The following NXPE2 variants were observed in gnomAD, a reference collection of about 807,000 sequenced individuals.
The protein encoded by NXPE2 is NXPE family member 2.
A neutral mutation model predicts 34.4 loss-of-function variants in NXPE2; 34 were observed. The observed-to-expected ratio is 0.99, with a 90% confidence interval of 0.75 to 1.31. NXPE2 has a LOEUF of 1.31. Ranked by LOEUF, NXPE2 falls within the 40% of genes most tolerant of loss-of-function variation. NXPE2 has a pLI of 0.00. For missense variants in NXPE2, 649 were observed against 672.5 expected (o/e 0.97, Z 0.39); for synonymous variants, 235 against 231.3 (o/e 1.02, Z -0.15).
chr11:114,631,189 C>T, the NXPE2 span, among the ~76,000 whole-genome samples: 1 of 151,934 alleles, frequency 6.6e-6, no homozygotes, highest in Admixed American at 6.6e-5. Flanking sequence ...ACCCAAAGGG[C>T]TATAAATCAT....
At chr11:114,619,068 T>A in the NXPE2 span, among the ~76,000 whole-genome samples, 9 of 151,660 alleles carry the variant, frequency 5.9e-5, no homozygotes, top group Admixed American at 5.3e-4. Context: ...ACCTGGTGGA[T>A]AATAAGTATT....
At chr11:114,616,261 AT>A in the NXPE2 span, among the ~76,000 whole-genome samples, 1 of 151,656 alleles carries the variant, frequency 6.6e-6, no homozygotes, top group Non-Finnish European at 1.5e-5. Flanking sequence ...CCAGAGGACA[AT>A]AAATGTTGCC....
chr11:114,698,845 T>G, intron 3 of NXPE2, 67 bp downstream of exon 3: 3 of 1,406,884 alleles, frequency 2.1e-6, no homozygotes, highest in Non-Finnish European at 2.8e-6. Flanking sequence ...CCTAGTAGTT[T>G]TGCCTAATCA....
chr11:114,649,135 T>TC, the NXPE2 span, among the ~76,000 whole-genome samples: 1 of 151,962 alleles, frequency 6.6e-6, no homozygotes, highest in African/African-American at 2.4e-5. Context: ...TGTCATGTTT[T>TC]TTTTTTTTTA....
At chr11:114,471,511 A>G in the NXPE2 span, among the ~76,000 whole-genome samples, 2 of 152,192 alleles carry the variant, frequency 1.3e-5, no homozygotes, top group African/African-American at 4.8e-5. Flanking sequence ...ATAAAAATTG[A>G]CCTTATTAGC....
At chr11:114,781,622 G>A in the NXPE2 span, among the ~76,000 whole-genome samples, 1 of 152,146 alleles carries the variant, frequency 6.6e-6, no homozygotes, top group Non-Finnish European at 1.5e-5. Context: ...ACAGTGCATT[G>A]GGGAGGAAGG....
At chr11:114,787,171 G>A in the NXPE2 span, among the ~76,000 whole-genome samples, 6 of 147,214 alleles carry the variant, frequency 4.1e-5, no homozygotes, top group East Asian at 1.9e-4. Flanking sequence ...GTCAACAGGC[G>A]CACACACACA....
chr11:114,557,184 G>A, the NXPE2 span, among the ~76,000 whole-genome samples: 3 of 152,164 alleles, frequency 2.0e-5, no homozygotes, highest in Admixed American at 6.5e-5. Flanking sequence ...ATGAGCTACC[G>A]TGCCCGGCCC....
At chr11:114,588,409 G>T in the NXPE2 span, among the ~76,000 whole-genome samples, 1 of 152,222 alleles carries the variant, frequency 6.6e-6, no homozygotes, top group East Asian at 1.9e-4. Context: ...TTTAACTCAG[G>T]TGTCTAACCT....
the NXPE2 span, chr11:114,522,572 A>G: frequency 2.3e-6 from 3 of 1,299,192 alleles, no homozygotes; most frequent in South Asian, 1.5e-5. Context: ...AGAATGTCCT[A>G]TCATTTAAAA....
the NXPE2 span, among the ~76,000 whole-genome samples, chr11:114,670,869 G>A: frequency 6.6e-6 from 1 of 151,328 alleles, no homozygotes; most frequent in Non-Finnish European, 1.5e-5. Context: ...GAAAACGCAG[G>A]CAATGGAAAC....
chr11:114,474,837 A>G, the NXPE2 span, among the ~76,000 whole-genome samples: 1 of 152,178 alleles, frequency 6.6e-6, no homozygotes, highest in Non-Finnish European at 1.5e-5. Context: ...CTTGCTTTGC[A>G]TGATAGCAAG....
the NXPE2 span, among the ~76,000 whole-genome samples, chr11:114,713,311 A>T: frequency 6.6e-6 from 1 of 152,228 alleles, no homozygotes; most frequent in Non-Finnish European, 1.5e-5. Flanking sequence ...TTTTGTTACC[A>T]CAGTAGTAAC....
the NXPE2 span, among the ~76,000 whole-genome samples, chr11:114,508,124 G>C: frequency 6.6e-6 from 1 of 151,926 alleles, no homozygotes; most frequent in Non-Finnish European, 1.5e-5. Flanking sequence ...AGCCAAAACA[G>C]GTACAAACTC....
At chr11:114,679,856 C>T in intron 2 of NXPE2, 94 bp downstream of exon 2, 1 of 719,028 alleles carries the variant, frequency 1.4e-6, no homozygotes. Context: ...AAGTTAAAAG[C>T]ATATCATCTT....
At chr11:114,523,983 GAGA>G in the NXPE2 span, among the ~76,000 whole-genome samples, 1 of 152,254 alleles carries the variant, frequency 6.6e-6, no homozygotes, top group Non-Finnish European at 1.5e-5. Context: ...GGCCTGGAGT[GAGA>G]AGGCCAGGGC....
At chr11:114,522,045 A>G in the NXPE2 span, 1 of 1,613,882 alleles carries the variant, frequency 6.2e-7, no homozygotes, top group South Asian at 1.1e-5. Flanking sequence ...TCAGTGCCAT[A>G]TGCAATGGTC....
chr11:114,617,832 C>A, the NXPE2 span, among the ~76,000 whole-genome samples: 1 of 152,046 alleles, frequency 6.6e-6, no homozygotes. Flanking sequence ...TCATGGGAAA[C>A]CAGTGTTACC....
chr11:114,481,793 T>C, the NXPE2 span, among the ~76,000 whole-genome samples: 1 of 152,142 alleles, frequency 6.6e-6, no homozygotes, highest in African/African-American at 2.4e-5. Context: ...TAAAGGGAAC[T>C]GAGGACTTCA....
Sources: allele counts gnomAD v4.1 joint callset (sites outside exome capture counted in the v4.1 genomes callset), GRCh38; gene constraint gnomAD v4.1.1; transcripts MANE v1.5; gene names NCBI Gene and HGNC (gene_info 2026-07-23, HGNC 2026-07-21).